The following HECW1 variants were observed in gnomAD, a reference collection of about 807,000 sequenced individuals.
HECW1 encodes E3 ubiquitin-protein ligase HECW1.
A neutral mutation model predicts 182.3 loss-of-function variants in HECW1; 61 were observed. The observed-to-expected ratio is 0.33, with a 90% CI of 0.27 to 0.41. The LOEUF (loss-of-function observed/expected upper bound fraction) is 0.41. Ranked by LOEUF, HECW1 falls within the 10% of genes least tolerant of loss-of-function variation. The probability of loss-of-function intolerance (pLI) is 1.00; values close to 1 mark genes in which losing one functional copy is unlikely to be tolerated. For synonymous variants in HECW1, 859 were observed against 832.6 expected, an observed-to-expected ratio of 1.03 and a Z score of -0.55; for missense variants, 1,739 against 2,108.9, an observed-to-expected ratio of 0.82 and a Z score of 3.44.
intron 8 of HECW1, among the ~76,000 whole-genome samples, chr7:43,414,183 T>C (rs1036694666): frequency 6.6e-6 from 1 of 151,304 alleles, no homozygotes; most frequent in African/African-American, 2.4e-5. Context: ...CCCTTGTAAG[T>C]TGGATTCCTA....
At chr7:43,404,456 TG>T (rs1418172762) in intron 7 of HECW1, among the ~76,000 whole-genome samples, 1 of 152,142 alleles carries the variant, frequency 6.6e-6, no homozygotes, top group Non-Finnish European at 1.5e-5. Flanking sequence ...GAACAATAAA[TG>T]GCTGAGTGAT....
At chr7:43,284,502 C>CAAA (rs1165081149) in intron 3 of HECW1, among the ~76,000 whole-genome samples, 1,023 of 49,326 alleles carry the variant, frequency 0.021, 8 homozygotes, top group African/African-American at 0.037. Flanking sequence ...CCCATTTCTA[C>CAAA]AAAAAAAAAA....
At chr7:43,182,180 C>T (rs1247514701) in intron 2 of HECW1, among the ~76,000 whole-genome samples, 1 of 152,160 alleles carries the variant, frequency 6.6e-6, no homozygotes, top group Non-Finnish European at 1.5e-5. Context: ...TCTATTTTTA[C>T]ATTTGTTGCC....
intron 2 of HECW1, among the ~76,000 whole-genome samples, chr7:43,193,161 C>G (rs1057023317): frequency 6.6e-6 from 1 of 152,068 alleles, no homozygotes; most frequent in South Asian, 2.1e-4. Context: ...TTTTAGCATG[C>G]TAATGCATTA....
At chr7:43,430,033 A>G (rs1187761586) in intron 8 of HECW1, among the ~76,000 whole-genome samples, 1 of 152,170 alleles carries the variant, frequency 6.6e-6, no homozygotes, top group Non-Finnish European at 1.5e-5. Flanking sequence ...AACACAACCC[A>G]AATCAAATTA....
intron 8 of HECW1, among the ~76,000 whole-genome samples, chr7:43,416,173 G>T (rs1413915037): frequency 6.7e-6 from 1 of 149,918 alleles, no homozygotes. Flanking sequence ...TCTACTTTTG[G>T]TCTTTGATGA....
At chr7:43,127,246 G>A (rs1188943909) in intron 2 of HECW1, among the ~76,000 whole-genome samples, 1 of 152,090 alleles carries the variant, frequency 6.6e-6, no homozygotes, top group Non-Finnish European at 1.5e-5. Context: ...ACAGCTGGCC[G>A]GGCAAGGTAG....
chr7:43,259,203 A>G (rs1800912477), intron 3 of HECW1, among the ~76,000 whole-genome samples: 1 of 152,214 alleles, frequency 6.6e-6, no homozygotes, highest in Non-Finnish European at 1.5e-5. Context: ...CCTGGCCGAC[A>G]TGGCGAAACC....
chr7:43,211,099 G>A (rs563177275), intron 2 of HECW1, among the ~76,000 whole-genome samples: 1 of 152,240 alleles, frequency 6.6e-6, no homozygotes, highest in South Asian at 2.1e-4. Context: ...TGCCTAATTA[G>A]CATTTTAGTG....
chr7:43,313,339 AT>A (rs3032878), intron 4 of HECW1, among the ~76,000 whole-genome samples: 8,650 of 142,560 alleles, frequency 0.061, 267 homozygotes, highest in Middle Eastern at 0.1. Context: ...CCTAAAGAGC[AT>A]TTTTTTTTTT....
At chr7:43,502,094 A>G (rs1158122833) in intron 21 of HECW1, among the ~76,000 whole-genome samples, 1 of 152,174 alleles carries the variant, frequency 6.6e-6, no homozygotes, top group Non-Finnish European at 1.5e-5. Flanking sequence ...TTGCATTCCA[A>G]AGTCACTCTC....
chr7:43,122,591 G>A (rs555129356), intron 2 of HECW1, among the ~76,000 whole-genome samples: 15 of 152,126 alleles, frequency 9.9e-5, no homozygotes, highest in African/African-American at 2.4e-4. Context: ...TCCTGTTGTC[G>A]CAATAAAGTA....
intron 7 of HECW1, among the ~76,000 whole-genome samples, chr7:43,398,825 A>G (rs1452325037): frequency 2.6e-5 from 4 of 152,086 alleles, no homozygotes; most frequent in African/African-American, 9.7e-5. Context: ...TAGTTTGGTG[A>G]GTAGGGGCCA....
chr7:43,445,271 C>CTACAGCAG lies in HECW1; in HGVS notation c.2099_2100insTACAGCAG (p.Ser701ThrfsTer114). ...TGCTACAGCAGCTCGTGCTACAGCG[C>CTACAGCAG]CTCGTGCTACAGCCCCTCCTGCTAC... On this transcript the variant is annotated frameshift_variant, in exon 11 of 30. Coordinates refer to ENST00000395891, the MANE Select transcript of HECW1 (RefSeq NM_015052.5). LOFTEE classifies it high-confidence loss of function. 6.2e-7 allele frequency: 1 copy of CTACAGCAG among 1,612,880 alleles called. No individual in the cohort carries two copies. The highest frequency in any genetic ancestry group is 8.5e-7 in the Non-Finnish European group (1 of 1,179,204).
intron 24 of HECW1, among the ~76,000 whole-genome samples, chr7:43,514,298 TTTC>T (rs1263514372): frequency 7.1e-6 from 1 of 140,342 alleles, no homozygotes; most frequent in African/African-American, 2.6e-5. Flanking sequence ...TTTCTTTTCT[TTTC>T]TTTTTTTTTT....
chr7:43,217,414 A>G (rs760774276), intron 2 of HECW1, among the ~76,000 whole-genome samples: 3 of 152,230 alleles, frequency 2.0e-5, no homozygotes, highest in Non-Finnish European at 4.4e-5. Context: ...CTTCAAGTGC[A>G]TGAGTTCTGG....
chr7:43,142,230 C>G (rs577764404), intron 2 of HECW1, among the ~76,000 whole-genome samples: 35 of 152,202 alleles, frequency 2.3e-4, no homozygotes, highest in African/African-American at 7.7e-4. Flanking sequence ...TTCTGAACTC[C>G]CAGGAGGGGG....
At chr7:43,204,352 AC>A (rs1380351900) in intron 2 of HECW1, among the ~76,000 whole-genome samples, 1 of 152,074 alleles carries the variant, frequency 6.6e-6, no homozygotes, top group Admixed American at 6.5e-5. Flanking sequence ...TGTTCAAGAA[AC>A]CCTAAGTCAT....
chr7:43,285,647 T>TA (rs1190355615), intron 3 of HECW1, among the ~76,000 whole-genome samples: 2 of 151,976 alleles, frequency 1.3e-5, no homozygotes, highest in African/African-American at 4.8e-5. Flanking sequence ...CCATCTTTAT[T>TA]AAAAAATTTT....
Sources: gnomAD v4.1 joint callset for allele counts (sites outside exome capture counted in the v4.1 genomes callset) on GRCh38, gnomAD v4.1.1 for gene constraint, MANE v1.5 for transcripts, NCBI Gene and HGNC (gene_info 2026-07-23, HGNC 2026-07-21) for gene names.